FREM1: variants seen among roughly 807,000 people sequenced by gnomAD.
The protein encoded by FREM1 is FRAS1-related extracellular matrix protein 1.
A neutral mutation model predicts 210.1 loss-of-function variants in FREM1; 220 were observed. The ratio of observed to expected loss-of-function variants is 1.05; its 90% CI spans 0.94 to 1.17. The LOEUF is 1.17. Ranked by LOEUF, FREM1 falls within the 50% of genes most tolerant of loss-of-function variation. The probability of loss-of-function intolerance (pLI) is 0.00; values close to 1 mark genes in which losing one functional copy is unlikely to be tolerated. For missense variants in FREM1, 3,454 were observed against 2,675.5 expected (o/e 1.29, Z -6.42); for synonymous variants, 1,189 against 980.2 (o/e 1.21, Z -3.98).
chr9:14,888,617 T>C (rs1230018809), intron 1 of FREM1, among the ~76,000 whole-genome samples: 1 of 152,208 alleles, frequency 6.6e-6, no homozygotes, highest in East Asian at 1.9e-4. Context: ...AGGTCTCAAG[T>C]CAAATAGGCC....
chr9:14,796,453 C>T (rs1852413511), intron 21 of FREM1, among the ~76,000 whole-genome samples: 1 of 152,132 alleles, frequency 6.6e-6, no homozygotes, highest in African/African-American at 2.4e-5. Flanking sequence ...AAAGAAATGG[C>T]TGGGGCTATA....
chr9:14,738,438 C>T (rs1029162846), intron 36 of FREM1, among the ~76,000 whole-genome samples: 5 of 152,130 alleles, frequency 3.3e-5, no homozygotes, highest in Non-Finnish European at 7.4e-5. Flanking sequence ...TAGGAATGCC[C>T]TCCCTGAATT....
At chr9:14,794,006 G>A (rs192785802) in intron 21 of FREM1, among the ~76,000 whole-genome samples, 56 of 152,246 alleles carry the variant, frequency 3.7e-4, no homozygotes, top group African/African-American at 1.3e-3. Context: ...AATCAAAACG[G>A]GAAGCCAATG....
chr9:14,858,871 T>C (rs529664806), intron 4 of FREM1, among the ~76,000 whole-genome samples: 1 of 152,320 alleles, frequency 6.6e-6, no homozygotes, highest in African/African-American at 2.4e-5. Context: ...CTGTGTTAAG[T>C]ACTGTGTGTA....
At chr9:14,769,307 T>C (rs1004389148) in intron 27 of FREM1, among the ~76,000 whole-genome samples, 2 of 152,208 alleles carry the variant, frequency 1.3e-5, no homozygotes, top group Non-Finnish European at 1.5e-5. Context: ...CTAACTCTTC[T>C]TGACTACCTC....
At chr9:14,887,136 TCCTC>T (rs1339560719) in intron 1 of FREM1, among the ~76,000 whole-genome samples, 1 of 152,198 alleles carries the variant, frequency 6.6e-6, no homozygotes, top group South Asian at 2.1e-4. Flanking sequence ...CAGAACTGTG[TCCTC>T]AGGGAACAAC....
chr9:14,889,205 A>T (rs1836345849), intron 1 of FREM1, among the ~76,000 whole-genome samples: 1 of 152,126 alleles, frequency 6.6e-6, no homozygotes, highest in Non-Finnish European at 1.5e-5. Context: ...TGGAATTGTA[A>T]AGCTGAAGGG....
intron 10 of FREM1, among the ~76,000 whole-genome samples, chr9:14,840,943 T>G (rs1300598780): frequency 6.6e-6 from 1 of 152,212 alleles, no homozygotes; most frequent in Non-Finnish European, 1.5e-5. Context: ...GCTAATGTAT[T>G]TATTGAGTGT....
chr9:14,776,476 C>T (rs553594348), intron 24 of FREM1, among the ~76,000 whole-genome samples: 1 of 152,318 alleles, frequency 6.6e-6, no homozygotes, highest in Admixed American at 6.5e-5. Flanking sequence ...AATCATATTT[C>T]TCAGGCTCAT....
chr9:14,838,508 CAT>C (rs1554691865), intron 10 of FREM1, among the ~76,000 whole-genome samples: 8 of 149,288 alleles, frequency 5.4e-5, no homozygotes, highest in Admixed American at 1.3e-4. Flanking sequence ...CACACACACA[CAT>C]ACACACAATA....
chr9:14,868,139 T>G (rs529896044), intron 2 of FREM1, among the ~76,000 whole-genome samples: 3 of 152,358 alleles, frequency 2.0e-5, no homozygotes, highest in East Asian at 3.9e-4. Context: ...TGTTAATAGA[T>G]GAAACATCTT....
chr9:14,858,505 CTTTTTTT>C (rs35912803), intron 4 of FREM1, among the ~76,000 whole-genome samples: 1 of 138,426 alleles, frequency 7.2e-6, no homozygotes, highest in Non-Finnish European at 1.6e-5. Flanking sequence ...CAGCCACCCA[CTTTTTTT>C]TTTTTTTTTT....
chr9:14,785,068 G>C (rs949317278), intron 23 of FREM1, among the ~76,000 whole-genome samples: 4 of 152,192 alleles, frequency 2.6e-5, no homozygotes, highest in African/African-American at 7.2e-5. Flanking sequence ...CCTTGACCCA[G>C]CAATTCCACC....
At chr9:14,799,409 T>C (rs10810246) in intron 20 of FREM1, among the ~76,000 whole-genome samples, 35,288 of 152,066 alleles carry the variant, frequency 0.23, 4,356 homozygotes, top group South Asian at 0.29. Context: ...AATGTAGCCA[T>C]AAATGAACCA....
chr9:14,760,161 G>T (rs1374577681), intron 27 of FREM1, among the ~76,000 whole-genome samples: 1 of 152,212 alleles, frequency 6.6e-6, no homozygotes, highest in Non-Finnish European at 1.5e-5. Flanking sequence ...AGGTTAAAAG[G>T]CTGCTGAATG....
At chr9:14,855,910 A>C (rs1828647340) in intron 5 of FREM1, among the ~76,000 whole-genome samples, 1 of 152,214 alleles carries the variant, frequency 6.6e-6, no homozygotes, top group Non-Finnish European at 1.5e-5. Context: ...AATCATTAAA[A>C]GTGAAAGGAG....
chr9:14,795,755 T>C (rs1344894844), intron 21 of FREM1, among the ~76,000 whole-genome samples: 2 of 152,304 alleles, frequency 1.3e-5, no homozygotes, highest in Admixed American at 6.5e-5. Flanking sequence ...GATAATAATA[T>C]GCATTTTCCA....
rs144166590 is a variant in FREM1 at position 14,835,721 on chromosome 9, C to G, written c.1881+5726G>C. Among the ~76,000 whole-genome samples, 740 of 152,298 alleles carry G rather than the reference C, an allele frequency of 4.9e-3. 10 individuals carry two copies. Among genetic ancestry groups the G allele is most frequent in the African/African-American group, 0.017 (708 of 41,568 alleles). The stretch of plus-strand genomic sequence containing the variant: ...TTGTGAAACAGCGTTTCATCAAAGC[C>G]AATCCAAAAGGCCTATGTAAAAATA... On this transcript the variant is annotated intron_variant, in intron 10 of 36. Transcript: ENST00000380880.
rs139489118 is a variant in FREM1, at chr9:14,897,561, CA to C, written c.-268+12352del. On this transcript the variant is annotated intron_variant, in intron 1 of 36. Transcript: ENST00000380880. ...AAAAAAGCGCAACACCTAAAACCAA[CA>C]AAGAGGCTTAATCGAACTGTAATGA... Among the ~76,000 whole-genome samples, 133 of 150,890 alleles carry C rather than the reference CA, an allele frequency of 8.8e-4. 1 individual carries two copies. The highest frequency in any genetic ancestry group is 3.2e-3 in the African/African-American group (130 of 41,102).
Sources: allele counts gnomAD v4.1 joint callset (sites outside exome capture counted in the v4.1 genomes callset), GRCh38; gene constraint gnomAD v4.1.1; transcripts MANE v1.5; gene names NCBI Gene and HGNC (gene_info 2026-07-23, HGNC 2026-07-21).